PCLO: variants seen among roughly 807,000 people sequenced by gnomAD.
The protein encoded by PCLO is piccolo presynaptic cytomatrix protein, also known as protein piccolo.
A neutral mutation model predicts 427.5 loss-of-function variants in PCLO; 82 were observed. The ratio of observed to expected loss-of-function variants is 0.19; its 90% CI spans 0.16 to 0.23. The LOEUF is 0.23. PCLO is among the 10% of genes least tolerant of loss of function. PCLO has a pLI of 1.00. For synonymous variants in PCLO, 2,357 were observed against 2,155.4 expected, an observed-to-expected ratio of 1.09 and a Z score of -2.59; for missense variants, 6,239 against 6,115.9, an observed-to-expected ratio of 1.02 and a Z score of -0.67.
At chr7:82,998,610 C>A (rs975692418) in intron 3 of PCLO, among the ~76,000 whole-genome samples, 2 of 151,806 alleles carry the variant, frequency 1.3e-5, no homozygotes, top group African/African-American at 4.8e-5. Context: ...GACTGAGAAA[C>A]ATGAAATTTA....
At position 82,999,423 on chromosome 7, in the gene PCLO, T is replaced by G. The variant is rs1307549373; in HGVS notation, c.3301-32936A>C. 1.7e-5 allele frequency among the ~76,000 whole-genome samples: 2 copies of G among 117,752 alleles called. 1 individual carries two copies. The highest frequency in any genetic ancestry group is 6.5e-5 in the African/African-American group (2 of 30,702). The allele number at this position is 117,752 out of a possible 152,430, so 77.2% of individuals were successfully genotyped here. A position where few individuals can be genotyped will look rare whatever the true frequency, so the allele number is the denominator to read the frequency against. On this transcript the variant is annotated intron_variant, in intron 3 of 24. Coordinates refer to ENST00000333891, the MANE Select transcript of PCLO (RefSeq NM_033026.6). ...TATACTATTCCATTATATAATATAT[T>G]ATATATTTTATTATATATTATTCCA...
intron 3 of PCLO, among the ~76,000 whole-genome samples, chr7:83,038,071 A>ATATATCTTTATATATATATATTTATATC (rs1309480779): frequency 2.2e-5 from 1 of 45,940 alleles, no homozygotes; most frequent in African/African-American, 9.5e-5. Context: ...ATATTTATAT[A>ATATATCTTTATATATATATATTTATATC]TTTATATATA....
Position 82,794,236 on chromosome 7 carries a change from T to C in PCLO, c.15007+7282A>G, listed in dbSNP as rs1791166870. On this transcript the variant is annotated intron_variant, in intron 22 of 24. Coordinates refer to ENST00000333891, the MANE Select transcript of PCLO (RefSeq NM_033026.6). ...GTTTATTTATTTCTTGTCTTTCTAATGTGGAGATTTGTTTTCTTTAGTTTA... is the reference window on the plus strand; with the variant it reads ...GTTTATTTATTTCTTGTCTTTCTAACGTGGAGATTTGTTTTCTTTAGTTTA... Among the ~76,000 whole-genome samples the C allele has an allele frequency of 2.0e-5, 3 of 152,138 alleles. No homozygotes were observed. The Middle Eastern group carries it at 0.01, about 517-fold the overall frequency.
intron 9 of PCLO, among the ~76,000 whole-genome samples, chr7:82,885,884 G>T (rs981781012): frequency 1.3e-5 from 2 of 152,100 alleles, no homozygotes; most frequent in Admixed American, 6.6e-5. Flanking sequence ...GGGAAAGCAA[G>T]AGTGAAGCCC....
chr7:82,858,847 A>G (rs1452772509), intron 10 of PCLO, among the ~76,000 whole-genome samples: 2 of 152,200 alleles, frequency 1.3e-5, no homozygotes, highest in Admixed American at 6.6e-5. Context: ...CTATGCGCCT[A>G]TGGATCAGAA....
At chr7:82,991,431 T>C (rs1342537845) in intron 3 of PCLO, among the ~76,000 whole-genome samples, 1 of 152,138 alleles carries the variant, frequency 6.6e-6, no homozygotes, top group Admixed American at 6.6e-5. Context: ...TTTAATACCA[T>C]GAATACTTAC....
At chr7:83,112,953 C>T (rs894191978) in intron 3 of PCLO, among the ~76,000 whole-genome samples, 7 of 152,138 alleles carry the variant, frequency 4.6e-5, no homozygotes, top group African/African-American at 1.7e-4. Flanking sequence ...CATTAAGCAG[C>T]TTAACTCTTA....
chr7:82,943,904 T>C (rs557752069), intron 6 of PCLO, among the ~76,000 whole-genome samples: 2 of 152,006 alleles, frequency 1.3e-5, no homozygotes, highest in African/African-American at 4.8e-5. Flanking sequence ...ACGTCTGTAA[T>C]GCCAGCACTC....
chr7:82,786,005 T>C (rs7785316), intron 22 of PCLO, among the ~76,000 whole-genome samples: 128,380 of 152,168 alleles, frequency 0.84, 54,247 homozygotes, highest in East Asian at 0.93. Flanking sequence ...GATTAGATAG[T>C]GGCTGTAAAA....
chr7:82,918,155 G>A (rs761987457), intron 6 of PCLO, among the ~76,000 whole-genome samples: 3 of 151,844 alleles, frequency 2.0e-5, no homozygotes, highest in Non-Finnish European at 2.9e-5. Context: ...ACTTTGTAGC[G>A]GTAGTTTGTT....
At chr7:83,128,147 A>G (rs953040935) in intron 3 of PCLO, among the ~76,000 whole-genome samples, 15 of 152,088 alleles carry the variant, frequency 9.9e-5, no homozygotes, top group Non-Finnish European at 1.9e-4. Context: ...CATTTTAGAA[A>G]TATCAATTAC....
In PCLO at chr7:82,775,553, G is replaced by A. The variant is rs181174702; in HGVS notation, c.15008-14060C>T. ...ACATTTTTGGTAAGGTGTCTGTTAAGGTCTTTGGCTCATTTTTTAAATTTG... is the reference window on the plus strand; with the variant it reads ...ACATTTTTGGTAAGGTGTCTGTTAAAGTCTTTGGCTCATTTTTTAAATTTG... On this transcript the variant is annotated intron_variant, in intron 22 of 24. Transcript: ENST00000333891. Among the ~76,000 whole-genome samples, 31 of 152,228 alleles carry A rather than the reference G, an allele frequency of 2.0e-4. No individual in the cohort carries two copies. The East Asian group carries it at 4.6e-3, about 23-fold the overall frequency.
intron 22 of PCLO, among the ~76,000 whole-genome samples, chr7:82,798,847 C>T (rs1335511163): frequency 6.6e-6 from 1 of 152,184 alleles, no homozygotes; most frequent in Non-Finnish European, 1.5e-5. Context: ...AAATAACTCA[C>T]ATTATATTAC....
chr7:83,073,239 A>T (rs1789863945), intron 3 of PCLO, among the ~76,000 whole-genome samples: 1 of 152,052 alleles, frequency 6.6e-6, no homozygotes, highest in South Asian at 2.1e-4. Flanking sequence ...AAACTTTTGA[A>T]TATCTCATAA....
intron 3 of PCLO, among the ~76,000 whole-genome samples, chr7:83,102,474 A>G (rs893848039): frequency 1.3e-5 from 2 of 151,948 alleles, no homozygotes; most frequent in African/African-American, 4.8e-5. Context: ...CACAACACAC[A>G]AATATATAGA....
rs1790285782 is a variant in PCLO at position 82,754,966 on chromosome 7, A to G, written c.*3609T>C. On this transcript the variant is annotated 3_prime_UTR_variant, in exon 25 of 25. Transcript: ENST00000333891. Reference sequence around the variant, plus strand: ...AATATTGTTAGTTATGATTTAAATAATAAAGTAAAAAAATACTATAAACAT... The same window carrying G: ...AATATTGTTAGTTATGATTTAAATAGTAAAGTAAAAAAATACTATAAACAT... The G allele has an allele frequency of 6.6e-6, 1 of 152,138 alleles. No individual in the cohort carries two copies. Among genetic ancestry groups the G allele is most frequent in the African/African-American group, 2.4e-5 (1 of 41,452 alleles). 9.4% of individuals were successfully genotyped at this position (152,138 alleles called of 1,614,324 possible). A position where few individuals can be genotyped will look rare whatever the true frequency, so the allele number is the denominator to read the frequency against.
Position 82,972,574 on chromosome 7 carries a change from C to T in PCLO, c.3301-6087G>A, listed in dbSNP as rs78829510. Reference sequence around the variant, plus strand: ...ATTTGTGTTGGAGAAATCTTCCAAACACTACCTTAAAATTAAATTTCATTA... The same window carrying T: ...ATTTGTGTTGGAGAAATCTTCCAAATACTACCTTAAAATTAAATTTCATTA... On this transcript the variant is annotated intron_variant, in intron 3 of 24. Transcript: ENST00000333891. Among the ~76,000 whole-genome samples the T allele has an allele frequency of 9.6e-3, 1,453 of 152,082 alleles. 29 individuals carry two copies. Among genetic ancestry groups the T allele is most frequent in the African/African-American group, 0.032 (1,319 of 41,508 alleles).
chr7:82,985,902 T>G (rs1457388344), intron 3 of PCLO, among the ~76,000 whole-genome samples: 1 of 152,142 alleles, frequency 6.6e-6, no homozygotes, highest in African/African-American at 2.4e-5. Flanking sequence ...TTTCGATTTT[T>G]GTAAATCTGA....
intron 3 of PCLO, among the ~76,000 whole-genome samples, chr7:83,009,961 C>G (rs1294713022): frequency 6.6e-6 from 1 of 151,676 alleles, no homozygotes; most frequent in East Asian, 1.9e-4. Flanking sequence ...TGGTGAGCAC[C>G]ACTCTCTATT....
Sources: allele counts gnomAD v4.1 joint callset (sites outside exome capture counted in the v4.1 genomes callset), GRCh38; gene constraint gnomAD v4.1.1; transcripts MANE v1.5; gene names NCBI Gene and HGNC (gene_info 2026-07-23, HGNC 2026-07-21).